ATP13A5: variants seen among roughly 807,000 people sequenced by gnomAD.
ATP13A5 encodes the protein ATPase 13A5.
A neutral mutation model predicts 150.2 loss-of-function variants in ATP13A5; 149 were observed. The observed-to-expected ratio is 0.99, with a 90% CI of 0.87 to 1.14. ATP13A5 has a LOEUF of 1.14. Ranked by LOEUF, ATP13A5 falls within the 50% of genes most tolerant of loss-of-function variation. The pLI, the probability that ATP13A5 is intolerant of heterozygous loss-of-function variation, is 0.00. For missense variants in ATP13A5, 1,383 were observed against 1,449.3 expected (o/e 0.95, Z 0.74); for synonymous variants, 497 against 522.2 (o/e 0.95, Z 0.66).
chr3:193,350,295 G>A (rs1036652971), intron 7 of ATP13A5, among the ~76,000 whole-genome samples: 20 of 152,086 alleles, frequency 1.3e-4, no homozygotes, highest in Middle Eastern at 3.4e-3. Context: ...TGGGACCTTC[G>A]TGTTTGAATT....
Position 193,362,630 on chromosome 3 carries a change from C to A in ATP13A5, c.392G>T (p.Cys131Phe). 6.2e-7 allele frequency: 1 copy of A among 1,614,190 alleles called. No individual in the cohort carries two copies. Residue 131 changes from cysteine (C) to phenylalanine (F), a missense_variant, in exon 4 of 30, where the codon TGC (cysteine) becomes TTC (phenylalanine). This residue lies in a region of ATP13A5 where 787 missense variants were observed against 771.9 expected (regional missense o/e 1.02). Transcript: ENST00000342358. Reference protein sequence around the residue: ...ALIKPELKLRCMEVQKIRYVW... With the variant: ...ALIKPELKLRFMEVQKIRYVW... ...ATACCTGATTTTCTGCACTTCCATG[C>A]ACCGCAGCTACGATTGCAAATGTGA...
intron 25 of ATP13A5, among the ~76,000 whole-genome samples, chr3:193,292,257 C>CTAA (rs764200159): frequency 6.6e-6 from 1 of 152,090 alleles, no homozygotes; most frequent in Non-Finnish European, 1.5e-5. Context: ...GGAGTTCTCT[C>CTAA]TGTATTCCAG....
chr3:193,298,556 C>A (rs1212983528), intron 25 of ATP13A5, among the ~76,000 whole-genome samples: 1 of 152,060 alleles, frequency 6.6e-6, no homozygotes, highest in Non-Finnish European at 1.5e-5. Context: ...CAATGCCATT[C>A]TTTTTCCTTG....
intron 5 of ATP13A5, among the ~76,000 whole-genome samples, chr3:193,359,826 G>A (rs1412937280): frequency 6.6e-6 from 1 of 151,984 alleles, no homozygotes; most frequent in Non-Finnish European, 1.5e-5. Flanking sequence ...TGTGGTGGTG[G>A]TGGTGGTGGT....
chr3:193,340,582 A>G (rs1179603556), intron 9 of ATP13A5, among the ~76,000 whole-genome samples: 3 of 152,174 alleles, frequency 2.0e-5, no homozygotes, highest in Admixed American at 2.0e-4. Flanking sequence ...CATCTCAAAT[A>G]CATCAGCAGC....
chr3:193,323,686 T>C (rs1378085865), intron 14 of ATP13A5: 2 of 152,218 alleles, frequency 1.3e-5, no homozygotes, highest in Non-Finnish European at 2.9e-5. Flanking sequence ...TCCAGAGAAT[T>C]GGTCACTATG....
At chr3:193,296,611 G>A (rs1462660590) in intron 25 of ATP13A5, among the ~76,000 whole-genome samples, 3 of 152,014 alleles carry the variant, frequency 2.0e-5, no homozygotes, top group Non-Finnish European at 4.4e-5. Flanking sequence ...TTTGAAGTCA[G>A]GTAGCATGAT....
At chr3:193,329,604 G>C (rs1265596884) in intron 12 of ATP13A5, among the ~76,000 whole-genome samples, 1 of 152,188 alleles carries the variant, frequency 6.6e-6, no homozygotes, top group East Asian at 1.9e-4. Flanking sequence ...GGTGTTATTT[G>C]GCCCTGAATC....
intron 27 of ATP13A5, among the ~76,000 whole-genome samples, 179 bp downstream of exon 27, chr3:193,284,735 A>G (rs929201242): frequency 6.6e-6 from 1 of 152,230 alleles, no homozygotes; most frequent in African/African-American, 2.4e-5. Flanking sequence ...CTTATCTGCA[A>G]ACAAGCAGAT....
At chr3:193,279,975 T>TAAAA in intron 27 of ATP13A5, among the ~76,000 whole-genome samples, 1 of 7,508 alleles carries the variant, frequency 1.3e-4, no homozygotes, top group African/African-American at 5.4e-4. Flanking sequence ...TGTGTCTTTG[T>TAAAA]TAAAAAAAAA....
Position 193,351,161 on chromosome 3 carries a change from G to A in ATP13A5, c.647C>T (p.Thr216Ile). Residue 216 changes from threonine to isoleucine, a missense_variant, in exon 7 of 30, where the codon ACT (threonine) becomes ATT (isoleucine). Transcript: ENST00000342358. Reference sequence around the variant, plus strand: ...TATGTAACCTTGAGACAGCCACAAAGTTAGGGTGAAGGCTTGGAACACATA... The same window carrying A: ...TATGTAACCTTGAGACAGCCACAAAATTAGGGTGAAGGCTTGGAACACATA... Reference protein sequence around the residue: ...PFYVFQAFTLTLWLSQGYIEY... With the variant: ...PFYVFQAFTLILWLSQGYIEY... The A allele has an allele frequency of 6.2e-7, 1 of 1,613,856 alleles. No individual in the cohort carries two copies. Among genetic ancestry groups the A allele is most frequent in the East Asian group, 2.2e-5 (1 of 44,866 alleles).
At chr3:193,319,132 A>G in intron 16 of ATP13A5, 24 bp from the exon 17 acceptor site, 1 of 1,568,236 alleles carries the variant, frequency 6.4e-7, no homozygotes, top group South Asian at 1.1e-5. Context: ...AGAAACAGGT[A>G]AGTGTAAGGT....
chr3:193,339,222 GTC>G (rs1712019865), intron 9 of ATP13A5, among the ~76,000 whole-genome samples: 1 of 151,760 alleles, frequency 6.6e-6, no homozygotes, highest in South Asian at 2.1e-4. Flanking sequence ...GGTTTTTTGT[GTC>G]TCTATTTCCT....
intron 25 of ATP13A5, among the ~76,000 whole-genome samples, chr3:193,292,826 A>G (rs528679461): frequency 6.6e-6 from 1 of 152,210 alleles, no homozygotes; most frequent in Non-Finnish European, 1.5e-5. Flanking sequence ...AGCATTATTG[A>G]GGCAATACCT....
At chr3:193,363,631 C>A (rs112041129) in intron 2 of ATP13A5, among the ~76,000 whole-genome samples, 1,931 of 152,258 alleles carry the variant, frequency 0.013, 39 homozygotes, top group African/African-American at 0.044. Context: ...AATTTGATAA[C>A]CACTGTGCTA....
At chr3:193,297,357 C>A (rs1318775232) in intron 25 of ATP13A5, among the ~76,000 whole-genome samples, 1 of 151,942 alleles carries the variant, frequency 6.6e-6, no homozygotes, top group African/African-American at 2.4e-5. Context: ...CTTTTCATGT[C>A]TAAGGATAAG....
Position 193,305,579 on chromosome 3 carries a change from C to T in ATP13A5, c.2658G>A (p.Gln886=). The T allele has an allele frequency of 6.2e-7, 1 of 1,613,834 alleles. No individual in the cohort carries two copies. Among genetic ancestry groups the T allele is most frequent in the South Asian group, 1.1e-5 (1 of 91,070 alleles). Residue 886 remains glutamine, a synonymous_variant, in exon 23 of 30, where the codon CAG becomes CAA. Transcript: ENST00000342358. Reference sequence around the variant, plus strand: ...CTTACCTGATGAGATGAGGCACACACTGGATGTTGGTTGTTTTAGAGGTAA... The same window carrying T: ...CTTACCTGATGAGATGAGGCACACATTGGATGTTGGTTGTTTTAGAGGTAA... ...SPFTSKTTNI[Q]CVPHLIREGR...
chr3:193,284,026 A>ATTATTATTATTATT (rs1282236500), intron 27 of ATP13A5, among the ~76,000 whole-genome samples: 1 of 148,576 alleles, frequency 6.7e-6, no homozygotes, highest in African/African-American at 2.5e-5. Flanking sequence ...TATTATTATT[A>ATTATTATTATTATT]TTATTATTTT....
intron 5 of ATP13A5, among the ~76,000 whole-genome samples, chr3:193,357,553 A>G (rs1279578509): frequency 6.6e-6 from 1 of 152,212 alleles, no homozygotes; most frequent in African/African-American, 2.4e-5. Flanking sequence ...ATGGGAAGAA[A>G]TATAAGATTT....
Sources: gnomAD v4.1 joint callset for allele counts (sites outside exome capture counted in the v4.1 genomes callset) on GRCh38, gnomAD v4.1.1 for gene constraint, gnomAD v4.1.1 regional missense constraint, MANE v1.5 for transcripts, NCBI Gene and HGNC (gene_info 2026-07-23, HGNC 2026-07-21) for gene names.